The following ERC1 variants were observed in gnomAD, a reference collection of about 807,000 sequenced individuals.
The protein encoded by ERC1 is RAB6 interacting protein 2.
ERC1 carries 56 observed loss-of-function variants against 132.0 expected under a neutral mutation model. That is an observed-to-expected ratio of 0.42 (90% CI 0.34 to 0.53). The LOEUF (loss-of-function observed/expected upper bound fraction) is 0.53. Ranked by LOEUF, ERC1 falls within the 20% of genes least tolerant of loss-of-function variation. The pLI is 0.03. For synonymous variants in ERC1, 478 were observed against 476.1 expected (o/e 1.00, Z -0.05); for missense variants, 1,202 against 1,349.9 (o/e 0.89, Z 1.72).
chr12:1,422,544 A>G (rs1182476434), intron 17 of ERC1, among the ~76,000 whole-genome samples: 1 of 151,410 alleles, frequency 6.6e-6, no homozygotes, highest in African/African-American at 2.4e-5. Flanking sequence ...TTTTTTTTTA[A>G]TCACTAAATA....
intron 5 of ERC1, 107 bp from the exon 6 acceptor site, chr12:1,112,108 T>C: frequency 1.4e-6 from 1 of 726,314 alleles, no homozygotes; most frequent in South Asian, 1.6e-5. Context: ...GATTTGATTG[T>C]ATTATATAAG....
chr12:1,326,676 G>A (rs1356913897), intron 15 of ERC1, among the ~76,000 whole-genome samples: 1 of 151,036 alleles, frequency 6.6e-6, no homozygotes, highest in Non-Finnish European at 1.5e-5. Context: ...AAGGGCAAAT[G>A]TTTTAGGTTG....
At chr12:1,326,769 C>T (rs1029731042) in intron 15 of ERC1, among the ~76,000 whole-genome samples, 7 of 152,218 alleles carry the variant, frequency 4.6e-5, no homozygotes, top group African/African-American at 1.7e-4. Context: ...ATTATTTCTC[C>T]CTCTTGGAAA....
At chr12:1,309,179 A>G (rs1250327441) in intron 15 of ERC1, among the ~76,000 whole-genome samples, 2 of 152,266 alleles carry the variant, frequency 1.3e-5, no homozygotes, top group African/African-American at 2.4e-5. Context: ...TGAATAGACT[A>G]AGATACACCG....
intron 18 of ERC1, among the ~76,000 whole-genome samples, chr12:1,458,397 C>G (rs116668769): frequency 0.012 from 1,863 of 151,894 alleles, 36 homozygotes; most frequent in African/African-American, 0.043. Context: ...CAAATCCTAT[C>G]GTATTGGATT....
At chr12:1,165,669 C>T (rs1408022339) in intron 8 of ERC1, among the ~76,000 whole-genome samples, 2 of 152,106 alleles carry the variant, frequency 1.3e-5, no homozygotes, top group African/African-American at 4.8e-5. Flanking sequence ...ATAAACATGG[C>T]TAAACTGTTT....
At chr12:1,284,506 A>G (rs7298264) in intron 14 of ERC1, among the ~76,000 whole-genome samples, 4,401 of 152,242 alleles carry the variant, frequency 0.029, 221 homozygotes, top group African/African-American at 0.1. Flanking sequence ...TTGTTTAAGG[A>G]AACACCATAC....
intron 8 of ERC1, among the ~76,000 whole-genome samples, chr12:1,170,105 ACTT>A (rs1443705033): frequency 6.6e-6 from 1 of 152,140 alleles, no homozygotes; most frequent in Non-Finnish European, 1.5e-5. Context: ...GTAAAAATAA[ACTT>A]CTCCTCACTT....
rs1949429137 is a variant in ERC1, at chr12:1,137,956, A to G, written c.1570-3664A>G. 3.7e-5 allele frequency among the ~76,000 whole-genome samples: 5 copies of G among 134,232 alleles called. No homozygotes were observed. The South Asian group carries it at 1.1e-3, about 30-fold the overall frequency. 88.1% of individuals were successfully genotyped at this position (134,232 alleles called of 152,430 possible). On this transcript the variant is annotated intron_variant, in intron 7 of 18. Coordinates refer to ENST00000360905, the MANE Select transcript of ERC1 (RefSeq NM_178040.4). ...TATAATATATAATATATTTATATAA[A>G]TTAGATATAATATTATCATATATAG...
chr12:1,316,363 C>G (rs2081722758), intron 15 of ERC1, among the ~76,000 whole-genome samples: 1 of 152,146 alleles, frequency 6.6e-6, no homozygotes, highest in Non-Finnish European at 1.5e-5. Context: ...GCTGAAAAAG[C>G]TACTAGATTA....
At chr12:1,381,224 T>G (rs137870203) in intron 16 of ERC1, 114 of 152,372 alleles carry the variant, frequency 7.5e-4, no homozygotes, top group African/African-American at 2.6e-3. Context: ...ATGGTGACTG[T>G]TGTTTTATCC....
At chr12:1,258,693 T>C (rs2076959231) in intron 13 of ERC1, among the ~76,000 whole-genome samples, 1 of 152,210 alleles carries the variant, frequency 6.6e-6, no homozygotes, top group African/African-American at 2.4e-5. Flanking sequence ...TGTGATAATA[T>C]TGTCCCTTTT....
chr12:1,437,690 C>T (rs371299273), intron 17 of ERC1, among the ~76,000 whole-genome samples: 1 of 152,194 alleles, frequency 6.6e-6, no homozygotes. Context: ...AACGCTGTTC[C>T]ATATCTCCTT....
At chr12:1,124,193 C>T (rs1019727471) in intron 7 of ERC1, among the ~76,000 whole-genome samples, 4 of 152,092 alleles carry the variant, frequency 2.6e-5, no homozygotes, top group Admixed American at 6.5e-5. Flanking sequence ...TTTTCAAGAA[C>T]TTACTGAACA....
intron 18 of ERC1, among the ~76,000 whole-genome samples, chr12:1,454,776 A>T (rs371048005): frequency 6.6e-6 from 1 of 152,180 alleles, no homozygotes; most frequent in Admixed American, 6.5e-5. Flanking sequence ...TTTAATACAT[A>T]TATGTTTCCA....
intron 2 of ERC1, among the ~76,000 whole-genome samples, chr12:1,059,815 T>C (rs1973666389): frequency 6.6e-6 from 1 of 152,234 alleles, no homozygotes; most frequent in South Asian, 2.1e-4. Context: ...TGTACCCTTG[T>C]CTGGTTTTCG....
chr12:1,297,405 A>C (rs1272124283), intron 15 of ERC1, among the ~76,000 whole-genome samples: 1 of 151,992 alleles, frequency 6.6e-6, no homozygotes, highest in Non-Finnish European at 1.5e-5. Context: ...GAAGGAATGA[A>C]GAACACCAGA....
intron 1 of ERC1, among the ~76,000 whole-genome samples, chr12:1,021,496 G>A (rs1003115711): frequency 3.3e-5 from 5 of 151,592 alleles, no homozygotes; most frequent in South Asian, 4.2e-4. Context: ...TCAGGAGATC[G>A]AGACCATCCT....
chr12:1,119,511 TTGTGTGTG>T (rs1180385226), intron 7 of ERC1, among the ~76,000 whole-genome samples: 37 of 138,936 alleles, frequency 2.7e-4, no homozygotes, highest in African/African-American at 7.9e-4. Context: ...TACTTCTTCT[TTGTGTGTG>T]TGTGTGTGTG....
Sources: gnomAD v4.1 joint callset for allele counts (sites outside exome capture counted in the v4.1 genomes callset) on GRCh38, gnomAD v4.1.1 for gene constraint, MANE v1.5 for transcripts, NCBI Gene and HGNC (gene_info 2026-07-23, HGNC 2026-07-21) for gene names.